Variants in SHTN1 observed in about 807,000 individuals in gnomAD.
SHTN1 encodes shootin 1, also known as shootin-1.
SHTN1 carries 42 observed loss-of-function variants against 83.1 expected under a neutral mutation model. The ratio of observed to expected loss-of-function variants is 0.51; its 90% CI spans 0.39 to 0.65. The LOEUF (loss-of-function observed/expected upper bound fraction) is 0.65, where lower values mean the gene tolerates loss of function less well. SHTN1 is among the 30% of genes least tolerant of loss of function. The pLI, the probability that SHTN1 is intolerant of heterozygous loss-of-function variation, is 0.00. For missense variants in SHTN1, 622 were observed against 737.8 expected (o/e 0.84, Z 1.82); for synonymous variants, 224 against 247.7 (o/e 0.90, Z 0.90).
At chr10:117,056,966 G>T (rs1352576398) in intron 1 of SHTN1, among the ~76,000 whole-genome samples, 1 of 152,150 alleles carries the variant, frequency 6.6e-6, no homozygotes, top group Non-Finnish European at 1.5e-5. Context: ...ACAAAATAAA[G>T]ATGTTCACTC....
chr10:117,092,267 A>G (rs1853441674), intron 1 of SHTN1, among the ~76,000 whole-genome samples: 1 of 152,238 alleles, frequency 6.6e-6, no homozygotes, highest in South Asian at 2.1e-4. Flanking sequence ...ATAATAGGTT[A>G]GGTTATAACT....
At chr10:117,079,813 T>G (rs1752758993) in intron 1 of SHTN1, among the ~76,000 whole-genome samples, 1 of 147,962 alleles carries the variant, frequency 6.8e-6, no homozygotes, top group African/African-American at 2.5e-5. Flanking sequence ...TTTCATGTGT[T>G]TTTTGGCTGC....
upstream of SHTN1, among the ~76,000 whole-genome samples, chr10:117,009,316 AT>A (rs1852067291): frequency 6.6e-6 from 1 of 152,168 alleles, no homozygotes; most frequent in African/African-American, 2.4e-5. Flanking sequence ...GTCATTTCTT[AT>A]TAACTGTAAC....
intron 2 of SHTN1, among the ~76,000 whole-genome samples, chr10:117,020,247 T>C (rs540493486): frequency 1.3e-5 from 2 of 151,818 alleles, no homozygotes; most frequent in African/African-American, 4.8e-5. Context: ...CCCAGCACTT[T>C]GGGAGGCCGA....
At chr10:117,113,972 G>A (rs1483941403) in intron 1 of SHTN1, among the ~76,000 whole-genome samples, 7 of 152,164 alleles carry the variant, frequency 4.6e-5, no homozygotes, top group South Asian at 2.1e-4. Flanking sequence ...ACTTGAACCC[G>A]GGAGGTGGAG....
At chr10:116,924,490 G>T (rs1480075882) in intron 11 of SHTN1, among the ~76,000 whole-genome samples, 1 of 152,126 alleles carries the variant, frequency 6.6e-6, no homozygotes, top group Non-Finnish European at 1.5e-5. Flanking sequence ...AAAGGACTCT[G>T]AGTTGAAGCA....
chr10:117,028,213 A>G (rs549237198), intron 2 of SHTN1, among the ~76,000 whole-genome samples: 1 of 152,304 alleles, frequency 6.6e-6, no homozygotes, highest in East Asian at 1.9e-4. Context: ...AGAAATTTCT[A>G]AGCAGAAAAC....
chr10:117,021,246 GCCTCCCTTCCTC>G (rs887515646), intron 2 of SHTN1, among the ~76,000 whole-genome samples: 86 of 152,132 alleles, frequency 5.7e-4, no homozygotes, highest in African/African-American at 2.0e-3. Flanking sequence ...TGTGGTACGT[GCCTCCCTTCCTC>G]CCTCCCTTCC....
intron 7 of SHTN1, among the ~76,000 whole-genome samples, chr10:116,945,865 T>C (rs1265061946): frequency 2.0e-5 from 3 of 152,264 alleles, no homozygotes; most frequent in Non-Finnish European, 2.9e-5. Context: ...ATAATTTTAG[T>C]GTAGTCATCT....
At chr10:117,038,523 G>A (rs117763712) in intron 2 of SHTN1, among the ~76,000 whole-genome samples, 202 of 152,036 alleles carry the variant, frequency 1.3e-3, no homozygotes, top group Non-Finnish European at 2.1e-3. Context: ...AAAAAATTCT[G>A]TTTTGTGAAA....
intron 9 of SHTN1, among the ~76,000 whole-genome samples, chr10:116,935,898 G>C (rs1849140810): frequency 6.6e-6 from 1 of 151,904 alleles, no homozygotes; most frequent in African/African-American, 2.4e-5. Context: ...GTCTTGGGAG[G>C]GTGTATGTGT....
At chr10:116,925,957 A>T (rs1848729639) in intron 11 of SHTN1, among the ~76,000 whole-genome samples, 1 of 152,132 alleles carries the variant, frequency 6.6e-6, no homozygotes, top group African/African-American at 2.4e-5. Context: ...CTCAAACTCA[A>T]TACATGTGCA....
intron 2 of SHTN1, among the ~76,000 whole-genome samples, chr10:117,040,193 T>A (rs956010904): frequency 9.2e-5 from 14 of 152,260 alleles, no homozygotes; most frequent in Non-Finnish European, 1.5e-4. Context: ...ATTTGAAAAT[T>A]TGTATAGAAA....
intron 5 of SHTN1, 27 bp from the exon 6 acceptor site, chr10:116,952,033 TAA>T: frequency 1.7e-6 from 2 of 1,150,722 alleles, no homozygotes; most frequent in East Asian, 5.6e-5. Context: ...AAAAAATATA[TAA>T]ATAAACTTAT....
At chr10:117,055,905 G>T (rs201695671) in intron 1 of SHTN1, among the ~76,000 whole-genome samples, 1 of 152,260 alleles carries the variant, frequency 6.6e-6, no homozygotes, top group South Asian at 2.1e-4. Context: ...AGGGTAAATT[G>T]TATGCTATGT....
chr10:117,068,209 T>C (rs1000530329), intron 1 of SHTN1, among the ~76,000 whole-genome samples: 4 of 152,114 alleles, frequency 2.6e-5, no homozygotes, highest in African/African-American at 9.7e-5. Flanking sequence ...CTGGCCATCA[T>C]AGTGAAACAC....
In SHTN1 at chr10:117,021,617, T is replaced by C. The variant is rs757492350; in HGVS notation, c.-123+26828A>G. On this transcript the variant is annotated intron_variant, in intron 2 of 17. Coordinates refer to the SHTN1 transcript ENST00000392901. Reference sequence around the variant, plus strand: ...ATCTAATTTTAGTGGCAGTTTGCTATAAAAATGTAATATGCATGTACCTTA... The same window carrying C: ...ATCTAATTTTAGTGGCAGTTTGCTACAAAAATGTAATATGCATGTACCTTA... Among the ~76,000 whole-genome samples, 63 of 152,342 alleles carry C rather than the reference T, an allele frequency of 4.1e-4. 1 individual carries two copies. The highest frequency in any genetic ancestry group is 5.2e-4 in the Admixed American group (8 of 15,298).
intron 1 of SHTN1, among the ~76,000 whole-genome samples, chr10:116,988,783 A>G (rs546010231): frequency 1.3e-5 from 2 of 152,084 alleles, no homozygotes; most frequent in South Asian, 4.2e-4. Context: ...CAAACAATCC[A>G]CCTACCTCAG....
At chr10:116,898,099 G>C (rs1248400132) in intron 16 of SHTN1, among the ~76,000 whole-genome samples, 1 of 152,068 alleles carries the variant, frequency 6.6e-6, no homozygotes, top group East Asian at 1.9e-4. Context: ...AGGCTGAGGT[G>C]GGTGGATCAC....
Sources: gnomAD v4.1 joint callset for allele counts (sites outside exome capture counted in the v4.1 genomes callset) on GRCh38, gnomAD v4.1.1 for gene constraint, MANE v1.5 for transcripts, NCBI Gene and HGNC (gene_info 2026-07-23, HGNC 2026-07-21) for gene names.